Variants in AMOTL1 observed in about 807,000 individuals in gnomAD.
AMOTL1 encodes angiomotin like 1.
In AMOTL1, 45 loss-of-function variants were observed where a neutral mutation model predicts 102.9. That is an observed-to-expected ratio of 0.44 (90% CI 0.34 to 0.56). The LOEUF (loss-of-function observed/expected upper bound fraction) is 0.56, where lower values mean the gene tolerates loss of function less well. Among genes scored for constraint, AMOTL1 ranks in the 20% least tolerant of loss-of-function variants. AMOTL1 has a pLI of 0.01. For missense variants in AMOTL1, 1,114 were observed against 1,225.6 expected (o/e 0.91, Z 1.36); for synonymous variants, 481 against 484.7 (o/e 0.99, Z 0.10).
chr11:94,770,719 A>G (rs1423512654), intron 1 of AMOTL1, among the ~76,000 whole-genome samples: 1 of 152,194 alleles, frequency 6.6e-6, no homozygotes, highest in Non-Finnish European at 1.5e-5. Context: ...TTAAAAATAC[A>G]TCTTTTCACG....
chr11:94,773,996 G>A (rs1950990195), intron 1 of AMOTL1, among the ~76,000 whole-genome samples: 1 of 152,182 alleles, frequency 6.6e-6, no homozygotes, highest in South Asian at 2.1e-4. Flanking sequence ...GAGTAAAATG[G>A]GGAAAATAAT....
chr11:94,761,174 T>G (rs1175160503), intron 3 of AMOTL1, among the ~76,000 whole-genome samples: 2 of 150,684 alleles, frequency 1.3e-5, no homozygotes, highest in African/African-American at 4.9e-5. Context: ...TAGGACTTAA[T>G]TTTTTTCTTT....
chr11:94,757,773 T>C (rs1950744292), intron 3 of AMOTL1, among the ~76,000 whole-genome samples: 1 of 152,118 alleles, frequency 6.6e-6, no homozygotes, highest in Non-Finnish European at 1.5e-5. Flanking sequence ...CAACATAAAA[T>C]AGTAGTTAAG....
intron 3 of AMOTL1, among the ~76,000 whole-genome samples, chr11:94,813,765 G>A (rs922281807): frequency 3.3e-5 from 5 of 152,170 alleles, no homozygotes; most frequent in Admixed American, 3.3e-4. Context: ...CAGGAGCTTC[G>A]ATCAGGAATG....
rs182499890 is a variant in AMOTL1, at chr11:94,726,051, G to A, written c.-50-2870G>A. Reference sequence around the variant, plus strand: ...TGAGGCAATGAAAACAGAAGCAGATGGATTATTGAGACATTTGAAAGAATG... The same window carrying A: ...TGAGGCAATGAAAACAGAAGCAGATAGATTATTGAGACATTTGAAAGAATG... On this transcript the variant is annotated intron_variant, in intron 1 of 4. Coordinates refer to the AMOTL1 transcript ENST00000299004. Among the ~76,000 whole-genome samples the A allele has an allele frequency of 4.6e-5, 7 of 152,228 alleles. No individual in the cohort carries two copies. In the East Asian group the frequency reaches 1.4e-3, roughly 29 times the overall value.
chr11:94,724,342 T>C (rs1565327779), intron 1 of AMOTL1, among the ~76,000 whole-genome samples: 1 of 152,144 alleles, frequency 6.6e-6, no homozygotes, highest in East Asian at 1.9e-4. Flanking sequence ...GCACTGAGGA[T>C]TGCTGGTGAA....
upstream of AMOTL1, among the ~76,000 whole-genome samples, chr11:94,764,117 C>T (rs181529066): frequency 1.3e-5 from 2 of 152,140 alleles, no homozygotes; most frequent in Admixed American, 6.5e-5. Context: ...GGAACTTGCC[C>T]GTTTTTTTCC....
intron 7 of AMOTL1, 125 bp from the exon 8 acceptor site, chr11:94,853,808 G>T: frequency 2.0e-6 from 2 of 1,022,242 alleles, no homozygotes; most frequent in Non-Finnish European, 2.9e-6. Flanking sequence ...GGAGTAGGGC[G>T]GTGGGAGGTA....
chr11:94,727,323 GATA>G (rs1950276976), intron 1 of AMOTL1, among the ~76,000 whole-genome samples: 1 of 152,134 alleles, frequency 6.6e-6, no homozygotes, highest in South Asian at 2.1e-4. Context: ...TAAAATGTTG[GATA>G]TTTACTTCAG....
chr11:94,857,094 A>G (rs1250178976), intron 8 of AMOTL1, among the ~76,000 whole-genome samples: 1 of 152,150 alleles, frequency 6.6e-6, no homozygotes, highest in Non-Finnish European at 1.5e-5. Context: ...CCTGCCTCCC[A>G]CCAGAAAAGT....
intron 11 of AMOTL1, among the ~76,000 whole-genome samples, chr11:94,867,955 A>C (rs188817481): frequency 1.3e-5 from 2 of 152,314 alleles, no homozygotes; most frequent in Non-Finnish European, 2.9e-5. Flanking sequence ...TCCGTAAGAC[A>C]GGATAAGGCC....
intron 2 of AMOTL1, among the ~76,000 whole-genome samples, chr11:94,798,965 T>C (rs953963424): frequency 6.6e-6 from 1 of 151,802 alleles, no homozygotes; most frequent in Non-Finnish European, 1.5e-5. Context: ...CAAAGACAAC[T>C]AGATGAGAAG....
At chr11:94,753,415 A>G (rs374902034) in intron 3 of AMOTL1, among the ~76,000 whole-genome samples, 4 of 150,344 alleles carry the variant, frequency 2.7e-5, no homozygotes, top group South Asian at 4.2e-4. Context: ...TCATTTGCTG[A>G]CATTGAAAAA....
chr11:94,800,018 G>C lies in AMOTL1; in HGVS notation c.828G>C (p.Lys276Asn), dbSNP rs773207991. The C allele has an allele frequency of 3.1e-6, 5 of 1,614,050 alleles. No homozygotes were observed. The highest frequency in any genetic ancestry group is 3.3e-5 in the Admixed American group (2 of 60,032). ...MQLSLERNGA[K>N]QHLPGSGNGK... is the part of the protein sequence containing the mutation. ...TGTCCCTGGAGAGGAATGGGGCCAA[G>C]CAACACCTTCCCGGCTCGGGGAATG... The change falls in exon 3 of 13, where the codon AAG becomes AAC. Residue 276 changes from lysine (K) to asparagine (N), a missense_variant. Physicochemically the swap from Lys to Asn is moderately conservative, Grantham distance 94. Transcript: ENST00000433060.
At chr11:94,850,581 A>G (rs1296340212) in intron 7 of AMOTL1, among the ~76,000 whole-genome samples, 1 of 152,238 alleles carries the variant, frequency 6.6e-6, no homozygotes, top group African/African-American at 2.4e-5. Context: ...TGATGAAATC[A>G]ACCCGTTAGC....
At chr11:94,809,773 G>A (rs1591988913) in intron 3 of AMOTL1, among the ~76,000 whole-genome samples, 2 of 152,194 alleles carry the variant, frequency 1.3e-5, no homozygotes, top group African/African-American at 4.8e-5. Context: ...TACATTTCAC[G>A]AATACTTTTA....
intron 11 of AMOTL1, among the ~76,000 whole-genome samples, chr11:94,868,908 T>A (rs1332698255): frequency 6.6e-6 from 1 of 151,212 alleles, no homozygotes; most frequent in African/African-American, 2.4e-5. Flanking sequence ...ATATATTAAG[T>A]TATAATCAGT....
chr11:94,755,801 GGT>G (rs1234875086), intron 3 of AMOTL1, among the ~76,000 whole-genome samples: 1 of 152,130 alleles, frequency 6.6e-6, no homozygotes, highest in Non-Finnish European at 1.5e-5. Flanking sequence ...AGCCCCAGTG[GGT>G]GTGTGTTACA....
Position 94,869,430 on chromosome 11 carries a change from C to T in AMOTL1, c.2721C>T (p.Pro907=), listed in dbSNP as rs1426570247. The part of the protein sequence containing the change: ...GRLSTTPAHS[P]VLKHPAAKGT... ...TGAGCACGACCCCTGCTCACAGCCC[C>T]GTCCTGAAACACCCAGCGGCCAAAG... Residue 907 remains proline, a synonymous_variant, in exon 12 of 13, where the codon CCC becomes CCT. Transcript: ENST00000433060. 8 of 1,603,934 alleles carry T rather than the reference C, an allele frequency of 5.0e-6. No homozygotes were observed. Among genetic ancestry groups the T allele is most frequent in the Middle Eastern group, 1.6e-4 (1 of 6,076 alleles).
Sources: allele counts gnomAD v4.1 joint callset (sites outside exome capture counted in the v4.1 genomes callset), GRCh38; gene constraint gnomAD v4.1.1; transcripts MANE v1.5; gene names NCBI Gene and HGNC (gene_info 2026-07-23, HGNC 2026-07-21).